Variants in RFX7 observed in about 807,000 individuals in gnomAD.
The protein encoded by RFX7 is DNA-binding protein RFX7.
A neutral mutation model predicts 111.8 loss-of-function variants in RFX7; 26 were observed. The ratio of observed to expected loss-of-function variants is 0.23; its 90% CI spans 0.17 to 0.32. RFX7 has a LOEUF of 0.32. RFX7 is among the 10% of genes least tolerant of loss of function. RFX7 has a pLI of 1.00. For missense variants in RFX7, 1,573 were observed against 1,772.9 expected, an observed-to-expected ratio of 0.89 and a Z score of 2.02; for synonymous variants, 624 against 624.4, an observed-to-expected ratio of 1.00 and a Z score of 0.01.
At chr15:56,230,876 C>T (rs559393987) in intron 2 of RFX7, among the ~76,000 whole-genome samples, 20 of 152,180 alleles carry the variant, frequency 1.3e-4, no homozygotes, top group African/African-American at 4.1e-4. Flanking sequence ...GGGCAGACCA[C>T]GAGGTCAGGA....
At chr15:56,104,840 C>T (rs1274649425) in intron 5 of RFX7, among the ~76,000 whole-genome samples, 1 of 152,060 alleles carries the variant, frequency 6.6e-6, no homozygotes, top group African/African-American at 2.4e-5. Context: ...AAACACATCA[C>T]CAACAATGCT....
At position 56,210,294 on chromosome 15, in the gene RFX7, T is replaced by G. The variant is rs184496502; in HGVS notation, c.162-30991A>C. Among the ~76,000 whole-genome samples the G allele has an allele frequency of 4.0e-3, 615 of 152,180 alleles. 20 individuals are homozygous for G. The highest frequency in any genetic ancestry group is 0.037 in the Admixed American group (565 of 15,276). ...TCCTAAATGTATATGAACCTAATAA[T>G]ATAACTTCAAAGTATGTAAGGCAAA... is the stretch of plus-strand genomic sequence containing the variant. On this transcript the variant is annotated intron_variant, in intron 2 of 9. Transcript: ENST00000559447.
chr15:56,166,393 C>G (rs557999034), intron 3 of RFX7, among the ~76,000 whole-genome samples: 2 of 152,240 alleles, frequency 1.3e-5, no homozygotes, highest in Non-Finnish European at 2.9e-5. Flanking sequence ...CAAAGCAAAA[C>G]TAGTCAATTT....
At chr15:56,124,618 A>C (rs1687519553) in intron 5 of RFX7, among the ~76,000 whole-genome samples, 1 of 152,164 alleles carries the variant, frequency 6.6e-6, no homozygotes, top group African/African-American at 2.4e-5. Flanking sequence ...AGTGATGTTG[A>C]GCATTTTTCC....
intron 5 of RFX7, among the ~76,000 whole-genome samples, chr15:56,110,459 C>T (rs1342360215): frequency 3.5e-5 from 4 of 113,638 alleles, no homozygotes; most frequent in East Asian, 6.0e-4. Flanking sequence ...ATCCGGGAGG[C>T]GAGGGGAGCC....
rs529368509 is a variant in RFX7 at position 56,167,755 on chromosome 15, T to G, written c.195+11515A>C. Among the ~76,000 whole-genome samples the G allele has an allele frequency of 1.2e-4, 19 of 152,328 alleles. No individual in the cohort carries two copies. In the South Asian group the frequency reaches 3.7e-3, roughly 30 times the overall value. ...GCTTTAAAACTAGAAAAGTACTTTATATTTTTTACTTCTAGTAGATTTCAT... is the reference window on the plus strand; with the variant it reads ...GCTTTAAAACTAGAAAAGTACTTTAGATTTTTTACTTCTAGTAGATTTCAT... On this transcript the variant is annotated intron_variant, in intron 3 of 9. Transcript: ENST00000559447.
intron 3 of RFX7, among the ~76,000 whole-genome samples, chr15:56,152,471 T>C (rs1309205733): frequency 6.6e-6 from 1 of 151,940 alleles, no homozygotes; most frequent in African/African-American, 2.4e-5. Flanking sequence ...AATAACGAAA[T>C]GAAGGCAGAA....
intron 5 of RFX7, among the ~76,000 whole-genome samples, chr15:56,138,380 T>TTG (rs1378373370): frequency 6.6e-6 from 1 of 150,964 alleles, no homozygotes; most frequent in Non-Finnish European, 1.5e-5. Flanking sequence ...TGGCCTTCTT[T>TTG]GTCTCTTTTG....
intron 2 of RFX7, among the ~76,000 whole-genome samples, chr15:56,204,818 G>C (rs534364993): frequency 6.6e-6 from 1 of 152,180 alleles, no homozygotes; most frequent in Admixed American, 6.5e-5. Flanking sequence ...TGCGAGTCAG[G>C]GTCATGCACC....
intron 5 of RFX7, among the ~76,000 whole-genome samples, chr15:56,140,031 G>C (rs1457608597): frequency 6.6e-6 from 1 of 152,140 alleles, no homozygotes; most frequent in Non-Finnish European, 1.5e-5. Flanking sequence ...CTGTCAGACA[G>C]GGACATTTAA....
intron 5 of RFX7, among the ~76,000 whole-genome samples, chr15:56,137,618 G>C (rs2042323834): frequency 6.6e-6 from 1 of 151,874 alleles, no homozygotes; most frequent in African/African-American, 2.4e-5. Context: ...ATTTCCTTCA[G>C]TTCTGCTCTG....
At chr15:56,104,302 A>T (rs1032548884) in intron 5 of RFX7, among the ~76,000 whole-genome samples, 1 of 152,202 alleles carries the variant, frequency 6.6e-6, no homozygotes, top group Non-Finnish European at 1.5e-5. Flanking sequence ...ACCAAGTCTT[A>T]ACTACTACTG....
In RFX7 at chr15:56,093,435, T is replaced by A. The variant is rs776565931; in HGVS notation, c.4293A>T (p.Gln1431His). 6.2e-7 allele frequency: 1 copy of A among 1,613,756 alleles called. No individual in the cohort carries two copies. Among genetic ancestry groups the A allele is most frequent in the East Asian group, 2.2e-5 (1 of 44,870 alleles). Residue 1431 changes from glutamine to histidine, a missense_variant, in exon 10 of 10, where the codon CAA (glutamine) becomes CAT (histidine). By Grantham distance (24) the Gln-to-His change is conservative. Coordinates refer to ENST00000559447, the MANE Select transcript of RFX7 (RefSeq NM_022841.7). ...EELKNDPLFQ[Q>H]ICSESMNSMT... is the part of the protein sequence containing the mutation. ...TAGAATTCATGGATTCACTGCAAAT[T>A]TGTTGAAATAATGGGTCATTCTTTA...
rs1195497885 is a variant in RFX7, at chr15:56,111,125, C to A, written c.402-7455G>T. Among the ~76,000 whole-genome samples, 488 of 140,910 alleles carry A rather than the reference C, an allele frequency of 3.5e-3. 5 individuals carry two copies. Among genetic ancestry groups the A allele is most frequent in the African/African-American group, 0.012 (477 of 38,852 alleles). 92.4% of individuals were successfully genotyped at this position (140,910 alleles called of 152,430 possible). On this transcript the variant is annotated intron_variant, in intron 5 of 9. Coordinates refer to ENST00000559447, the MANE Select transcript of RFX7 (RefSeq NM_022841.7). The stretch of plus-strand genomic sequence containing the variant: ...GGAAGTGAGGAGCCCCTCTGCCCGG[C>A]CACCACCCCGTCTGGGAGGTTTACC...
rs1489699807 is a variant in RFX7 at position 56,088,810 on chromosome 15, A to G, written c.*4535T>C. 6.6e-6 allele frequency: 1 copy of G among 152,180 alleles called. No individual in the cohort carries two copies. The highest frequency in any genetic ancestry group is 1.5e-5 in the Non-Finnish European group (1 of 68,036). 9.4% of individuals were successfully genotyped at this position (152,180 alleles called of 1,614,324 possible). ...TCAGCTCATAGGGGGAAGGCAAGAT[A>G]CCAGTTAACAGTTAGCACCAGTAAA... is the stretch of plus-strand genomic sequence containing the variant. On this transcript the variant is annotated 3_prime_UTR_variant, in exon 10 of 10. Coordinates refer to ENST00000559447, the MANE Select transcript of RFX7 (RefSeq NM_022841.7).
At chr15:56,214,482 G>A (rs947786534) in intron 2 of RFX7, among the ~76,000 whole-genome samples, 19 of 152,050 alleles carry the variant, frequency 1.2e-4, no homozygotes, top group Admixed American at 2.6e-4. Flanking sequence ...TTGGGAGGCC[G>A]AGGTGGGCGG....
At chr15:56,171,371 C>T (rs1009605942) in intron 3 of RFX7, among the ~76,000 whole-genome samples, 1 of 152,054 alleles carries the variant, frequency 6.6e-6, no homozygotes, top group African/African-American at 2.4e-5. Context: ...ATTATCTTGG[C>T]TTCCCTGAGT....
At chr15:56,183,462 T>C (rs1333881973) in intron 2 of RFX7, among the ~76,000 whole-genome samples, 1 of 152,184 alleles carries the variant, frequency 6.6e-6, no homozygotes, top group African/African-American at 2.4e-5. Flanking sequence ...TATAGTGTAA[T>C]ATACAGTATA....
At chr15:56,126,375 T>C (rs1189985800) in intron 5 of RFX7, among the ~76,000 whole-genome samples, 1 of 152,200 alleles carries the variant, frequency 6.6e-6, no homozygotes, top group African/African-American at 2.4e-5. Context: ...ATATTCCCAG[T>C]GCAGTCTTGT....
Sources: allele counts gnomAD v4.1 joint callset (sites outside exome capture counted in the v4.1 genomes callset), GRCh38; gene constraint gnomAD v4.1.1; transcripts MANE v1.5; gene names NCBI Gene and HGNC (gene_info 2026-07-23, HGNC 2026-07-21).